HCRTR2: variants seen among roughly 807,000 people sequenced by gnomAD.
HCRTR2 encodes hypocretin receptor 2, also known as orexin receptor type 2.
A neutral mutation model predicts 49.0 loss-of-function variants in HCRTR2; 22 were observed. The observed-to-expected ratio is 0.45, with a 90% CI of 0.32 to 0.64. The LOEUF is 0.64. Among genes scored for constraint, HCRTR2 ranks in the 30% least tolerant of loss-of-function variants. The probability of loss-of-function intolerance (pLI) is 0.04; values close to 1 mark genes in which losing one functional copy is unlikely to be tolerated. For missense variants in HCRTR2, 491 were observed against 559.4 expected (o/e 0.88, Z 1.23); for synonymous variants, 236 against 205.3 (o/e 1.15, Z -1.28).
rs531636358 is a variant in HCRTR2 at position 55,112,074 on chromosome 6, C to A, written c.-378+5529C>A. Among the ~76,000 whole-genome samples the A allele has an allele frequency of 4.6e-5, 7 of 152,014 alleles. No homozygotes were observed. In the South Asian group the frequency reaches 1.5e-3, roughly 32 times the overall value. On this transcript the variant is annotated intron_variant, in intron 1 of 7. Coordinates refer to the HCRTR2 transcript ENST00000615358. ...ATCATCTCAATAGATGCAGAAAAAG[C>A]ATTTGACAAAATTCAGCATCCCTTT...
intron 1 of HCRTR2, among the ~76,000 whole-genome samples, chr6:55,151,736 A>G (rs1266476049): frequency 7.2e-5 from 11 of 151,914 alleles, no homozygotes; most frequent in Admixed American, 7.2e-4. Flanking sequence ...TACTTTCCCA[A>G]GATCCATCAG....
chr6:55,115,681 A>T (rs559598906), intron 1 of HCRTR2, among the ~76,000 whole-genome samples: 117 of 151,732 alleles, frequency 7.7e-4, no homozygotes, highest in South Asian at 3.1e-3. Flanking sequence ...ATTAAGTCAA[A>T]TGGAAAGCAA....
At chr6:55,164,636 C>G (rs778759275) in intron 1 of HCRTR2, among the ~76,000 whole-genome samples, 1 of 152,124 alleles carries the variant, frequency 6.6e-6, no homozygotes, top group South Asian at 2.1e-4. Context: ...CAGTGGGGGG[C>G]TAGGGGAGGG....
At chr6:55,245,515 A>C (rs1766426372) in intron 1 of HCRTR2, among the ~76,000 whole-genome samples, 1 of 134,474 alleles carries the variant, frequency 7.4e-6, no homozygotes, top group Non-Finnish European at 1.6e-5. Context: ...ATCTTCCCCA[A>C]AAGTGTGCCT....
chr6:55,282,701 T>C (rs1767221211), downstream of HCRTR2: 2 of 407,396 alleles, frequency 4.9e-6, no homozygotes, highest in Non-Finnish European at 8.1e-6. Context: ...TTTAGTTTCA[T>C]GTATTAAAAT....
intron 2 of HCRTR2, among the ~76,000 whole-genome samples, chr6:55,253,229 C>T (rs2127315562): frequency 6.6e-6 from 1 of 151,926 alleles, no homozygotes; most frequent in Middle Eastern, 3.4e-3. Context: ...CAACACACAA[C>T]ACACAACACA....
At chr6:55,200,529 T>C (rs1765495412) in intron 1 of HCRTR2, among the ~76,000 whole-genome samples, 1 of 152,172 alleles carries the variant, frequency 6.6e-6, no homozygotes, top group African/African-American at 2.4e-5. Context: ...GGACTCACAA[T>C]TGTAATTCTG....
At chr6:55,217,905 T>G (rs1765818348) in intron 1 of HCRTR2, among the ~76,000 whole-genome samples, 2 of 152,184 alleles carry the variant, frequency 1.3e-5, no homozygotes. Context: ...AAAGCCTGTA[T>G]TAGGGTTCTC....
At position 55,277,557 on chromosome 6, in the gene HCRTR2, G is replaced by A. The variant is rs1264382341; in HGVS notation, c.940G>A (p.Ala314Thr). The change falls in exon 5 of 7, where the codon GCA becomes ACA. Residue 314 changes from alanine (A) to threonine (T), a missense_variant. Coordinates refer to ENST00000370862, the MANE Select transcript of HCRTR2 (RefSeq NM_001384272.1). ...GTTGATGATTGTGCTTTTGGTATTT[G>A]CAATTTGCTATCTACCAATTAGCAT... is the stretch of plus-strand genomic sequence containing the variant. The part of the protein sequence containing the change: ...RMLMIVLLVF[A>T]ICYLPISILN... 1.2e-6 allele frequency: 2 copies of A among 1,613,838 alleles called. No individual in the cohort carries two copies. Among genetic ancestry groups the A allele is most frequent in the East Asian group, 2.2e-5 (1 of 44,860 alleles).
At position 55,282,467 on chromosome 6, in the gene HCRTR2, T is replaced by A. The variant is rs779002331; in HGVS notation, c.*13T>A. The A allele has an allele frequency of 7.3e-7, 1 of 1,373,220 alleles. No individual in the cohort carries two copies. The highest frequency in any genetic ancestry group is 1.0e-6 in the Non-Finnish European group (1 of 963,904). The allele number at this position is 1,373,220 out of a possible 1,614,324, so 85.1% of individuals were successfully genotyped here. ...TCAAAACTGGTAGAATATTTATTCA[T>A]ATGACAAGGATACCTGAGTAAAACT... On this transcript the variant is annotated 3_prime_UTR_variant, in exon 7 of 7. Transcript: ENST00000370862.
chr6:55,162,745 G>A (rs1179997588), intron 1 of HCRTR2, among the ~76,000 whole-genome samples: 3 of 151,594 alleles, frequency 2.0e-5, no homozygotes, highest in Non-Finnish European at 4.4e-5. Context: ...AAAATACCTA[G>A]GAATACAACT....
At position 55,282,411 on chromosome 6, in the gene HCRTR2, C is replaced by A. The variant is rs141299250; in HGVS notation, c.1292C>A (p.Thr431Lys). The change falls in exon 7 of 7, where the codon ACA becomes AAA. Residue 431 changes from threonine to lysine, a missense_variant. Coordinates refer to ENST00000370862, the MANE Select transcript of HCRTR2 (RefSeq NM_001384272.1). ...SEQVVLTSIS[T>K]LPAANGAGPL... ...CAAGTTGTGCTCACTAGCATAAGCA[C>A]ACTCCCAGCAGCCAATGGAGCAGGA... The A allele has an allele frequency of 3.8e-4, 612 of 1,611,498 alleles. No individual in the cohort carries two copies. The African/African-American group carries it at 7.0e-3, about 18-fold the overall frequency.
chr6:55,275,962 T>A (rs1360498004), intron 4 of HCRTR2, among the ~76,000 whole-genome samples: 1 of 47,304 alleles, frequency 2.1e-5, no homozygotes, highest in African/African-American at 1.0e-4. Flanking sequence ...CTATCAGAGA[T>A]CATTTAGAAG....
chr6:55,257,753 G>T (rs1766680518), intron 3 of HCRTR2, among the ~76,000 whole-genome samples: 1 of 151,676 alleles, frequency 6.6e-6, no homozygotes, highest in African/African-American at 2.4e-5. Flanking sequence ...TGTTGAATAT[G>T]TAAAAACCTA....
intron 1 of HCRTR2, among the ~76,000 whole-genome samples, chr6:55,124,747 G>T (rs1381669392): frequency 1.3e-5 from 2 of 152,136 alleles, no homozygotes; most frequent in Non-Finnish European, 2.9e-5. Context: ...GGTAGTCTAA[G>T]TTTCTTGTAG....
chr6:55,199,542 T>G (rs1765473990), intron 1 of HCRTR2, among the ~76,000 whole-genome samples: 1 of 152,182 alleles, frequency 6.6e-6, no homozygotes, highest in African/African-American at 2.4e-5. Context: ...CATGTTCAAA[T>G]TAATGTATTG....
intron 1 of HCRTR2, among the ~76,000 whole-genome samples, chr6:55,221,517 A>C (rs1425892440): frequency 6.6e-6 from 1 of 152,190 alleles, no homozygotes; most frequent in Non-Finnish European, 1.5e-5. Context: ...AAATGAATTA[A>C]AAATTAAAGA....
chr6:55,235,801 C>T (rs1581846812), intron 1 of HCRTR2, among the ~76,000 whole-genome samples: 1 of 151,914 alleles, frequency 6.6e-6, no homozygotes, highest in Non-Finnish European at 1.5e-5. Flanking sequence ...AGGTGTGGAT[C>T]TCAACTATTT....
At chr6:55,255,099 G>A (rs1766624073) in intron 2 of HCRTR2, 37 bp from the exon 3 acceptor site, 1 of 1,610,816 alleles carries the variant, frequency 6.2e-7, no homozygotes, top group South Asian at 1.1e-5. Flanking sequence ...TTTAACAGCT[G>A]GTGCTTCTCT....
Sources: allele counts gnomAD v4.1 joint callset (sites outside exome capture counted in the v4.1 genomes callset), GRCh38; gene constraint gnomAD v4.1.1; transcripts MANE v1.5; gene names NCBI Gene and HGNC (gene_info 2026-07-23, HGNC 2026-07-21).